Variants in PDZRN4 observed in about 807,000 individuals in gnomAD.
PDZRN4 encodes PDZ domain-containing RING finger protein 4.
A neutral mutation model predicts 99.0 loss-of-function variants in PDZRN4; 70 were observed. That is an observed-to-expected ratio of 0.71 (90% CI 0.58 to 0.86). The LOEUF is 0.86. PDZRN4 is among the 40% of genes least tolerant of loss of function. The probability of loss-of-function intolerance (pLI) is 0.00; values close to 1 mark genes in which losing one functional copy is unlikely to be tolerated. For missense variants in PDZRN4, 1,474 were observed against 1,331.2 expected (o/e 1.11, Z -1.67); for synonymous variants, 551 against 501.6 (o/e 1.10, Z -1.32).
chr12:41,484,820 C>T (rs1170179618), intron 3 of PDZRN4, among the ~76,000 whole-genome samples: 1 of 152,110 alleles, frequency 6.6e-6, no homozygotes, highest in East Asian at 1.9e-4. Flanking sequence ...GGCATGTTGA[C>T]GTTTTCCCTC....
intron 3 of PDZRN4, among the ~76,000 whole-genome samples, chr12:41,196,933 A>G (rs118042180): frequency 0.024 from 3,618 of 152,238 alleles, 70 homozygotes; most frequent in Middle Eastern, 0.092. Context: ...TGGTGCAACA[A>G]GTAAGTTTGT....
rs111701479 is a variant in PDZRN4, at chr12:41,421,270, C to A, written c.844-85186C>A. ...CAGGAGTGCAATGGCATGATCTCAG[C>A]TCACTGCAACCTCTGTCTCCCAGGT... On this transcript the variant is annotated intron_variant, in intron 3 of 9. Coordinates refer to ENST00000402685, the MANE Select transcript of PDZRN4 (RefSeq NM_001164595.2). 5.6e-3 allele frequency among the ~76,000 whole-genome samples: 857 copies of A among 152,234 alleles called. 10 individuals are homozygous for A. The highest frequency in any genetic ancestry group is 0.018 in the African/African-American group (764 of 41,538).
chr12:41,326,426 C>T (rs1332851878), intron 3 of PDZRN4, among the ~76,000 whole-genome samples: 2 of 152,108 alleles, frequency 1.3e-5, no homozygotes, highest in African/African-American at 4.8e-5. Flanking sequence ...ACTAAATAAA[C>T]TTCAAATTCC....
At chr12:41,439,244 T>C (rs73128666) in intron 3 of PDZRN4, among the ~76,000 whole-genome samples, 438 of 152,288 alleles carry the variant, frequency 2.9e-3, no homozygotes, top group Non-Finnish European at 4.9e-3. Flanking sequence ...GCAATACCTT[T>C]TGCTTCATTT....
At chr12:41,253,917 GGA>G (rs1951187295) in intron 3 of PDZRN4, among the ~76,000 whole-genome samples, 1 of 152,030 alleles carries the variant, frequency 6.6e-6, no homozygotes, top group African/African-American at 2.4e-5. Context: ...TCACTCATAT[GGA>G]GAAGTTAATA....
chr12:41,534,437 C>A (rs1321035643), intron 5 of PDZRN4, among the ~76,000 whole-genome samples: 1 of 152,044 alleles, frequency 6.6e-6, no homozygotes, highest in Non-Finnish European at 1.5e-5. Flanking sequence ...TGATGCTCCC[C>A]CTTCCCCCTT....
At chr12:41,281,776 C>G (rs1327176933) in intron 3 of PDZRN4, among the ~76,000 whole-genome samples, 1 of 152,086 alleles carries the variant, frequency 6.6e-6, no homozygotes, top group African/African-American at 2.4e-5. Flanking sequence ...CGAATGGAAC[C>G]AAGCTGGAAA....
chr12:41,495,871 G>GT (rs1415285151), intron 3 of PDZRN4, among the ~76,000 whole-genome samples: 2 of 151,986 alleles, frequency 1.3e-5, no homozygotes, highest in Non-Finnish European at 2.9e-5. Context: ...AGTTTATAAA[G>GT]TTTTTCATCT....
Position 41,452,159 on chromosome 12 carries a change from A to G in PDZRN4, c.844-54297A>G, listed in dbSNP as rs903342048. 5.9e-5 allele frequency among the ~76,000 whole-genome samples: 9 copies of G among 151,550 alleles called. 1 individual carries two copies. The highest frequency in any genetic ancestry group is 1.5e-5 in the Non-Finnish European group (1 of 67,896). On this transcript the variant is annotated intron_variant, in intron 3 of 9. Transcript: ENST00000402685. ...CTAATAGGACCTTAGGGAACTACCTATGGCTCACACCTATAATCCCAGCAC... is the reference window on the plus strand; with the variant it reads ...CTAATAGGACCTTAGGGAACTACCTGTGGCTCACACCTATAATCCCAGCAC...
chr12:41,461,041 C>G (rs1031479346), intron 3 of PDZRN4, among the ~76,000 whole-genome samples: 3 of 152,114 alleles, frequency 2.0e-5, no homozygotes, highest in Admixed American at 1.3e-4. Flanking sequence ...CCTAGAGTTT[C>G]CCTGTGTAAA....
At chr12:41,392,933 A>G (rs968745408) in intron 3 of PDZRN4, among the ~76,000 whole-genome samples, 1 of 152,206 alleles carries the variant, frequency 6.6e-6, no homozygotes, top group African/African-American at 2.4e-5. Flanking sequence ...TTCTACTACC[A>G]TATGCTATAT....
At chr12:41,505,978 C>T (rs1160032290) in intron 3 of PDZRN4, among the ~76,000 whole-genome samples, 5 of 151,830 alleles carry the variant, frequency 3.3e-5, no homozygotes, top group Non-Finnish European at 7.4e-5. Context: ...TGCACATGGG[C>T]AATAACATGG....
intron 3 of PDZRN4, among the ~76,000 whole-genome samples, chr12:41,465,383 A>G (rs953502509): frequency 7.9e-5 from 12 of 152,204 alleles, no homozygotes; most frequent in Admixed American, 3.9e-4. Flanking sequence ...TCACACATCT[A>G]ACAACTGAGG....
chr12:41,205,877 C>A (rs1444941211), intron 3 of PDZRN4, among the ~76,000 whole-genome samples: 1 of 151,862 alleles, frequency 6.6e-6, no homozygotes, highest in Non-Finnish European at 1.5e-5. Context: ...TCCCTTCTTC[C>A]CCTGTTCCTT....
At chr12:41,492,683 G>C (rs1421832004) in intron 3 of PDZRN4, among the ~76,000 whole-genome samples, 1 of 152,092 alleles carries the variant, frequency 6.6e-6, no homozygotes, top group East Asian at 1.9e-4. Flanking sequence ...ATGAGATCTT[G>C]GTGGTGTAAG....
chr12:41,456,930 G>A (rs1008950962), intron 3 of PDZRN4, among the ~76,000 whole-genome samples: 1 of 152,146 alleles, frequency 6.6e-6, no homozygotes, highest in African/African-American at 2.4e-5. Context: ...AATGGAGAAG[G>A]CAGAACCAAA....
intron 2 of PDZRN4, 98 bp downstream of exon 2, chr12:41,191,642 T>C: frequency 1.7e-6 from 1 of 576,808 alleles, no homozygotes; most frequent in Non-Finnish European, 3.0e-6. Context: ...TAGCTTTTGT[T>C]TGTGGATTTT....
intron 3 of PDZRN4, among the ~76,000 whole-genome samples, chr12:41,377,892 T>C (rs1952093795): frequency 6.6e-6 from 1 of 152,204 alleles, no homozygotes; most frequent in Non-Finnish European, 1.5e-5. Flanking sequence ...GTGGAATCTT[T>C]AGGGTTTTCT....
chr12:41,253,455 A>G (rs1302425583), intron 3 of PDZRN4, among the ~76,000 whole-genome samples: 2 of 152,198 alleles, frequency 1.3e-5, no homozygotes, highest in Non-Finnish European at 2.9e-5. Flanking sequence ...ATCTCACTCC[A>G]GTTAAAATGG....
Sources: allele counts gnomAD v4.1 joint callset (sites outside exome capture counted in the v4.1 genomes callset), GRCh38; gene constraint gnomAD v4.1.1; transcripts MANE v1.5; gene names NCBI Gene and HGNC (gene_info 2026-07-23, HGNC 2026-07-21).